Variants in KCTD14 observed in about 807,000 individuals in gnomAD.
The protein encoded by KCTD14 is BTB/POZ domain-containing protein KCTD14.
A neutral mutation model predicts 5.9 loss-of-function variants in KCTD14; 7 were observed. That is an observed-to-expected ratio of 1.19 (90% CI 0.68 to 2.23). The LOEUF (loss-of-function observed/expected upper bound fraction) is 2.23, where lower values mean the gene tolerates loss of function less well. Among genes scored for constraint, KCTD14 ranks in the 30% most tolerant of loss-of-function variants. The pLI, the probability that KCTD14 is intolerant of heterozygous loss-of-function variation, is 0.00. For missense variants in KCTD14, 342 were observed against 332.2 expected, an observed-to-expected ratio of 1.03 and a Z score of -0.23; for synonymous variants, 140 against 133.1, an observed-to-expected ratio of 1.05 and a Z score of -0.36.
chr11:78,042,904 G>A (rs1345978187), intron 1 of KCTD14, among the ~76,000 whole-genome samples: 1 of 152,212 alleles, frequency 6.6e-6, no homozygotes, highest in East Asian at 1.9e-4. Flanking sequence ...TATAGCTTGC[G>A]AAGAAGCTGG....
At chr11:78,028,167 A>G (rs1029279984), upstream of KCTD14, among the ~76,000 whole-genome samples, 6 of 152,196 alleles carry the variant, frequency 3.9e-5, no homozygotes, top group African/African-American at 1.4e-4. Context: ...TTCCTCCCCA[A>G]AACTCATAAC....
At chr11:78,038,514 G>T in intron 2 of KCTD14, 1 of 852,738 alleles carries the variant, frequency 1.2e-6, no homozygotes, top group Non-Finnish European at 1.8e-6. Context: ...GGTTCCTGGA[G>T]AGGAATCAAC....
chr11:78,026,350 G>T (rs181906967), upstream of KCTD14, among the ~76,000 whole-genome samples: 34 of 152,076 alleles, frequency 2.2e-4, no homozygotes, highest in East Asian at 5.8e-3. Context: ...GGCTGAGGCA[G>T]GAAAATCACT....
intron 2 of KCTD14, among the ~76,000 whole-genome samples, chr11:78,031,322 A>G (rs1857608422): frequency 6.6e-6 from 1 of 152,082 alleles, no homozygotes; most frequent in Admixed American, 6.6e-5. Flanking sequence ...TACTGAGATT[A>G]CAGGTGTGAG....
upstream of KCTD14, among the ~76,000 whole-genome samples, chr11:78,026,839 C>T (rs10793271): frequency 0.34 from 52,259 of 151,958 alleles, 9,221 homozygotes; most frequent in South Asian, 0.44. Flanking sequence ...TGGCTCACAC[C>T]TGTAATCCCA....
intron 2 of KCTD14, among the ~76,000 whole-genome samples, chr11:78,029,124 G>T (rs549898926): frequency 2.0e-5 from 3 of 150,452 alleles, no homozygotes; most frequent in Non-Finnish European, 4.4e-5. Context: ...GGCGGAGGTT[G>T]CAGTGAGCCA....
intron 2 of KCTD14, among the ~76,000 whole-genome samples, chr11:78,038,257 G>A (rs1325011256): frequency 1.3e-5 from 2 of 152,186 alleles, no homozygotes; most frequent in East Asian, 3.9e-4. Context: ...TGCCTTCTCT[G>A]AGACATCTTT....
rs1397795662 is a variant in KCTD14, at chr11:78,042,883, T to C, written c.-96+3178A>G. Among the ~76,000 whole-genome samples the C allele has an allele frequency of 2.0e-5, 3 of 152,254 alleles. No homozygotes were observed. In the East Asian group the frequency reaches 5.8e-4, roughly 29 times the overall value. ...GGCACAAAAGATTGGTCAGACCCGG[T>C]GTGCCATTTATATAGCTTGCGAAGA... On this transcript the variant is annotated intron_variant, in intron 1 of 2. Coordinates refer to the KCTD14 transcript ENST00000533144.
upstream of KCTD14, among the ~76,000 whole-genome samples, chr11:78,027,047 C>T (rs781540760): frequency 1.3e-5 from 2 of 151,510 alleles, no homozygotes; most frequent in Non-Finnish European, 2.9e-5. Flanking sequence ...TGCAGTGAGC[C>T]GAGATTATGC....
intron 2 of KCTD14, among the ~76,000 whole-genome samples, chr11:78,032,643 C>T (rs947709875): frequency 6.6e-6 from 1 of 151,976 alleles, no homozygotes; most frequent in Admixed American, 6.6e-5. Flanking sequence ...TACTGCCCTA[C>T]TCCCAGCCTT....
At chr11:78,033,541 G>T (rs146634645) in intron 2 of KCTD14, among the ~76,000 whole-genome samples, 6,714 of 152,076 alleles carry the variant, frequency 0.044, 183 homozygotes, top group Middle Eastern at 0.095. Flanking sequence ...AATTAGCCGG[G>T]CATGGTGGCA....
At chr11:78,037,646 C>G (rs1591193442) in intron 2 of KCTD14, among the ~76,000 whole-genome samples, 1 of 152,220 alleles carries the variant, frequency 6.6e-6, no homozygotes, top group South Asian at 2.1e-4. Flanking sequence ...TGGTGAAACC[C>G]CGTCTCTACT....
chr11:78,038,650 G>C, intron 2 of KCTD14: 2 of 1,535,570 alleles, frequency 1.3e-6, no homozygotes, highest in Non-Finnish European at 1.7e-6. Context: ...CAAGAGAGGG[G>C]GTGACCTGCA....
At chr11:78,023,092 GGGAGGGAAGAGGC>G (rs754987461) in intron 1 of KCTD14, 55 bp downstream of exon 1, 389 of 1,077,680 alleles carry the variant, frequency 3.6e-4, no homozygotes, top group East Asian at 1.5e-3. Flanking sequence ...GAAACTGGAA[GGGAGGGAAGAGGC>G]GGAGGGAAGA....
intron 1 of KCTD14, among the ~76,000 whole-genome samples, chr11:78,018,090 C>G (rs1012123828): frequency 2.0e-5 from 3 of 152,076 alleles, no homozygotes; most frequent in African/African-American, 7.2e-5. Context: ...GAGTAAGACT[C>G]TGTCTCAAAA....
At chr11:78,018,263 G>A (rs977716017) in intron 1 of KCTD14, among the ~76,000 whole-genome samples, 7 of 151,276 alleles carry the variant, frequency 4.6e-5, no homozygotes, top group Non-Finnish European at 7.4e-5. Flanking sequence ...GATATTGGCC[G>A]GGCATAGTGG....
At chr11:78,033,598 C>G (rs555248972) in intron 2 of KCTD14, among the ~76,000 whole-genome samples, 174 of 151,584 alleles carry the variant, frequency 1.1e-3, no homozygotes, top group Non-Finnish European at 2.1e-3. Flanking sequence ...AGGAGAATCA[C>G]TTGAACCCAG....
At chr11:78,040,162 C>T (rs1010913331) in intron 1 of KCTD14, among the ~76,000 whole-genome samples, 1 of 152,182 alleles carries the variant, frequency 6.6e-6, no homozygotes, top group South Asian at 2.1e-4. Context: ...CAGAGCTGGC[C>T]GCTGGCCAGG....
intron 2 of KCTD14, among the ~76,000 whole-genome samples, chr11:78,031,248 A>G (rs951491232): frequency 4.0e-5 from 6 of 151,802 alleles, no homozygotes; most frequent in African/African-American, 1.2e-4. Flanking sequence ...GTGTCTCACT[A>G]TGTTGCCCAG....
Sources: gnomAD v4.1 joint callset for allele counts (sites outside exome capture counted in the v4.1 genomes callset) on GRCh38, gnomAD v4.1.1 for gene constraint, MANE v1.5 for transcripts, NCBI Gene and HGNC (gene_info 2026-07-23, HGNC 2026-07-21) for gene names.